The following ABI3BP variants were observed in gnomAD, a reference collection of about 807,000 sequenced individuals.
The protein encoded by ABI3BP is ABI family member 3 binding protein.
A neutral mutation model predicts 268.6 loss-of-function variants in ABI3BP; 216 were observed. The ratio of observed to expected loss-of-function variants is 0.80; its 90% CI spans 0.72 to 0.90. The LOEUF (loss-of-function observed/expected upper bound fraction) is 0.90, where lower values mean the gene tolerates loss of function less well. Ranked by LOEUF, ABI3BP falls within the 40% of genes least tolerant of loss-of-function variation. The pLI is 0.00. For missense variants in ABI3BP, 2,090 were observed against 2,182.4 expected, an observed-to-expected ratio of 0.96 and a Z score of 0.84; for synonymous variants, 730 against 730.0, an observed-to-expected ratio of 1.00 and a Z score of 0.00.
intron 4 of ABI3BP, among the ~76,000 whole-genome samples, chr3:100,891,648 C>T (rs185258118): frequency 3.7e-4 from 56 of 152,310 alleles, no homozygotes; most frequent in African/African-American, 1.2e-3. Context: ...GATGCCATCC[C>T]TGGAGATGCT....
At chr3:100,979,368 G>T (rs1000883291) in intron 1 of ABI3BP, among the ~76,000 whole-genome samples, 1 of 152,116 alleles carries the variant, frequency 6.6e-6, no homozygotes, top group Non-Finnish European at 1.5e-5. Flanking sequence ...GTAGGTGAGA[G>T]ACTTTAGATT....
At chr3:100,810,731 A>C (rs2097843647) in intron 48 of ABI3BP, among the ~76,000 whole-genome samples, 1 of 152,128 alleles carries the variant, frequency 6.6e-6, no homozygotes, top group Non-Finnish European at 1.5e-5. Context: ...ACAAAGATAT[A>C]TTCAATAGGA....
Position 100,834,745 on chromosome 3 carries a change from T to C in ABI3BP, c.2220A>G (p.Thr740=), listed in dbSNP as rs1193076642. The C allele has an allele frequency of 3.3e-6, 5 of 1,535,718 alleles. No individual in the cohort carries two copies. The highest frequency in any genetic ancestry group is 4.4e-6 in the Non-Finnish European group (5 of 1,146,550). ...TTTTATGTTTGGGACGTGGACGACGTGTTCTTGTTCGTTGCGATGTTTTTG... is the reference window on the plus strand; with the variant it reads ...TTTTATGTTTGGGACGTGGACGACGCGTTCTTGTTCGTTGCGATGTTTTTG... The part of the protein sequence containing the change: ...LAPKTSQRTR[T]RRPRPKHKTT... The change falls in exon 29 of 68, where the codon ACA becomes ACG. Residue 740 remains threonine, a synonymous_variant. Coordinates refer to ENST00000471714, the MANE Select transcript of ABI3BP (RefSeq NM_001375547.2).
At chr3:100,850,599 A>G (rs941772524) in intron 16 of ABI3BP, 61 bp downstream of exon 16, 22 of 1,271,122 alleles carry the variant, frequency 1.7e-5, no homozygotes, top group Non-Finnish European at 2.5e-5. Context: ...GAAGAAAGGC[A>G]TTCACATGAT....
rs970970913 is a variant in ABI3BP at position 100,872,404 on chromosome 3, AT to A, written c.910+2436del. Among the ~76,000 whole-genome samples, 28 of 151,938 alleles carry A rather than the reference AT, an allele frequency of 1.8e-4. No individual in the cohort carries two copies. In the East Asian group the frequency reaches 4.6e-3, roughly 25 times the overall value. On this transcript the variant is annotated intron_variant, in intron 9 of 67. Coordinates refer to ENST00000471714, the MANE Select transcript of ABI3BP (RefSeq NM_001375547.2). ...TTATGGTAGCATGTAGAATTTTTAA[AT>A]TTTTTTTTAAAGATTAGGAAATATC...
Position 100,953,716 on chromosome 3 carries a change from C to G in ABI3BP, c.80-27235G>C, listed in dbSNP as rs183635312. Among the ~76,000 whole-genome samples the G allele has an allele frequency of 4.1e-3, 618 of 152,046 alleles. 3 individuals carry two copies. The highest frequency in any genetic ancestry group is 5.1e-3 in the Non-Finnish European group (347 of 67,974). ...GAATTTTGAGGGAGTGGATATTATT[C>G]TCTAGGCAAAGGTTTATGGAGAAGG... On this transcript the variant is annotated intron_variant, in intron 1 of 67. Coordinates refer to ENST00000471714, the MANE Select transcript of ABI3BP (RefSeq NM_001375547.2).
chr3:100,774,392 C>G (rs895182567), intron 61 of ABI3BP, among the ~76,000 whole-genome samples: 1 of 152,176 alleles, frequency 6.6e-6, no homozygotes, highest in African/African-American at 2.4e-5. Flanking sequence ...CACAAGAGGC[C>G]TAGCTGTACC....
chr3:100,928,996 A>G (rs1259742436), intron 1 of ABI3BP, among the ~76,000 whole-genome samples: 1 of 152,072 alleles, frequency 6.6e-6, no homozygotes, highest in Non-Finnish European at 1.5e-5. Context: ...CCTTTTTAAT[A>G]ATGTGCCTAG....
intron 32 of ABI3BP, 91 bp downstream of exon 32, chr3:100,830,487 G>A: frequency 2.7e-6 from 3 of 1,092,036 alleles, no homozygotes; most frequent in Non-Finnish European, 2.6e-6. Flanking sequence ...CAGAAGCCTT[G>A]TGAAGCGGGA....
chr3:100,959,297 T>C (rs2078005843), intron 1 of ABI3BP, among the ~76,000 whole-genome samples: 1 of 151,636 alleles, frequency 6.6e-6, no homozygotes, highest in Non-Finnish European at 1.5e-5. Context: ...GAGACCATCC[T>C]GGCTAACACG....
chr3:100,856,053 C>T (rs930824450), intron 14 of ABI3BP, among the ~76,000 whole-genome samples: 3 of 152,168 alleles, frequency 2.0e-5, no homozygotes, highest in Non-Finnish European at 4.4e-5. Context: ...ATCTGTTTTC[C>T]TACTCTCAAA....
intron 27 of ABI3BP, 109 bp downstream of exon 27, chr3:100,837,015 G>C (rs2098603670): frequency 3.5e-6 from 4 of 1,128,086 alleles, no homozygotes; most frequent in Non-Finnish European, 4.8e-6. Flanking sequence ...TTTTAAAAAT[G>C]AAAACAAAAA....
chr3:100,864,511 C>A, intron 11 of ABI3BP: 1 of 322,856 alleles, frequency 3.1e-6, no homozygotes, highest in Non-Finnish European at 5.6e-6. Flanking sequence ...TCCAGGTTTC[C>A]TTCATTCTCC....
intron 11 of ABI3BP, 137 bp downstream of exon 11, chr3:100,864,696 C>T (rs552634603): frequency 9.2e-6 from 6 of 650,966 alleles, no homozygotes; most frequent in African/African-American, 3.7e-5. Flanking sequence ...AGGTTAACCA[C>T]TGCCAGGAAG....
intron 51 of ABI3BP, among the ~76,000 whole-genome samples, chr3:100,800,654 T>C (rs2097507345): frequency 6.6e-6 from 1 of 152,098 alleles, no homozygotes; most frequent in Non-Finnish European, 1.5e-5. Context: ...ATTTTTTGTA[T>C]GTTTTAAGTA....
rs115102227 is a variant in ABI3BP, at chr3:100,883,129, T to A, written c.696+2407A>T. Among the ~76,000 whole-genome samples the A allele has an allele frequency of 4.2e-3, 632 of 152,194 alleles. 2 individuals are homozygous for A. The highest frequency in any genetic ancestry group is 0.015 in the African/African-American group (607 of 41,536). Reference sequence around the variant, plus strand: ...TTTGGGGGAAAAATACATAGCCTAATCAATATAGAACCTTACTATATACCA... The same window carrying A: ...TTTGGGGGAAAAATACATAGCCTAAACAATATAGAACCTTACTATATACCA... On this transcript the variant is annotated intron_variant, in intron 6 of 67. Coordinates refer to ENST00000471714, the MANE Select transcript of ABI3BP (RefSeq NM_001375547.2).
intron 1 of ABI3BP, among the ~76,000 whole-genome samples, chr3:100,987,126 G>C (rs1449309): frequency 0.19 from 28,601 of 151,782 alleles, 2,791 homozygotes; most frequent in East Asian, 0.37. Flanking sequence ...TTTCAATATT[G>C]TCTTGTTTAT....
chr3:100,894,914 G>A (rs35042713), intron 4 of ABI3BP, among the ~76,000 whole-genome samples: 32 of 100,718 alleles, frequency 3.2e-4, no homozygotes, highest in African/African-American at 9.4e-4. Flanking sequence ...ACTCCAGCCT[G>A]GGCGACAGAG....
rs991541665 is a variant in ABI3BP at position 100,828,435 on chromosome 3, C to T, written c.2560G>A (p.Glu854Lys). 3.3e-6 allele frequency: 5 copies of T among 1,534,864 alleles called. No homozygotes were observed. Among genetic ancestry groups the T allele is most frequent in the Non-Finnish European group, 3.5e-6 (4 of 1,146,212 alleles). ...GCCTCTTTTATAGGAGAAACTGGTT[C>T]AAAGATTGTAGCAGGAACTGGCCAA... ...QTELVPATIF[E>K]PVSPIKEAPG... The change falls in exon 34 of 68, where the codon GAA (glutamate) becomes AAA (lysine). Residue 854 changes from glutamate (E) to lysine (K), a missense_variant. Coordinates refer to ENST00000471714, the MANE Select transcript of ABI3BP (RefSeq NM_001375547.2).
Sources: gnomAD v4.1 joint callset for allele counts (sites outside exome capture counted in the v4.1 genomes callset) on GRCh38, gnomAD v4.1.1 for gene constraint, MANE v1.5 for transcripts, NCBI Gene and HGNC (gene_info 2026-07-23, HGNC 2026-07-21) for gene names.